NUBP2: variants seen among roughly 807,000 people sequenced by gnomAD.
The protein encoded by NUBP2 is cytosolic Fe-S cluster assembly factor NUBP2.
Under a neutral mutation model 24.9 loss-of-function variants are expected in NUBP2, and 23 were observed. The observed-to-expected ratio is 0.92, with a 90% CI of 0.66 to 1.31. NUBP2 has a LOEUF of 1.31. Among genes scored for constraint, NUBP2 ranks in the 50% most tolerant of loss-of-function variants. The probability of loss-of-function intolerance (pLI) is 0.00; values close to 1 mark genes in which losing one functional copy is unlikely to be tolerated. For synonymous variants in NUBP2, 186 were observed against 170.9 expected, an observed-to-expected ratio of 1.09 and a Z score of -0.69; for missense variants, 403 against 386.5, an observed-to-expected ratio of 1.04 and a Z score of -0.36.
intron 3 of NUBP2, chr16:1,787,455 A>G (rs1897029582): frequency 4.9e-6 from 3 of 614,930 alleles, no homozygotes; most frequent in Admixed American, 6.0e-5. Flanking sequence ...CTCTGTGGGC[A>G]GGGGCCAGAC....
In NUBP2 at chr16:1,787,851, C is replaced by G; in HGVS notation, c.489+20C>G. On this transcript the variant is annotated intron_variant, in intron 4 of 6. Transcript: ENST00000262302. Reference sequence around the variant, plus strand: ...CCCCAGGTAGCGCTGCGGCACCTTCCCGAGTCCCTGTGGGTGGCTTCCCAG... The same window carrying G: ...CCCCAGGTAGCGCTGCGGCACCTTCGCGAGTCCCTGTGGGTGGCTTCCCAG... 1 of 1,605,398 alleles carries G rather than the reference C, an allele frequency of 6.2e-7. No individual in the cohort carries two copies. Among genetic ancestry groups the G allele is most frequent in the African/African-American group, 1.3e-5 (1 of 74,964 alleles).
chr16:1,788,983 G>GC lies in NUBP2; in HGVS notation c.*273dup. 2.2e-6 allele frequency: 1 copy of GC among 455,592 alleles called. No individual in the cohort carries two copies. The highest frequency in any genetic ancestry group is 3.9e-6 in the Non-Finnish European group (1 of 255,834). 28.2% of individuals were successfully genotyped at this position (455,592 alleles called of 1,614,324 possible). On this transcript the variant is annotated 3_prime_UTR_variant, in exon 7 of 7. Transcript: ENST00000262302. ...CTTCCCATCCATGTTGCCTACCTGT[G>GC]CCCCTGGCAGCCGCGTGTCCACACA...
intron 6 of NUBP2, 86 bp downstream of exon 6, chr16:1,788,293 C>A: frequency 7.7e-7 from 1 of 1,297,590 alleles, no homozygotes; most frequent in Non-Finnish European, 1.0e-6. Flanking sequence ...CCCCAGTGCC[C>A]AAGGGAGAGG....
chr16:1,785,818 C>A (rs915960636), intron 1 of NUBP2: 1 of 1,289,116 alleles, frequency 7.8e-7, no homozygotes, highest in Non-Finnish European at 1.0e-6. Context: ...ATGTGTTGAG[C>A]CCCTCACATG....
Position 1,788,847 on chromosome 16 carries a change from C to A in NUBP2, c.*133C>A. 1 of 1,140,636 alleles carries A rather than the reference C, an allele frequency of 8.8e-7. No individual in the cohort carries two copies. Among genetic ancestry groups the A allele is most frequent in the Non-Finnish European group, 1.2e-6 (1 of 836,228 alleles). 70.7% of individuals were successfully genotyped at this position (1,140,636 alleles called of 1,614,324 possible). On this transcript the variant is annotated 3_prime_UTR_variant, in exon 7 of 7. Transcript: ENST00000262302. ...AGGCAGCGTCAGCCGGAGAGCTTCT[C>A]CCCGACCAGCCCAGCCCCAGGATGT...
rs1428083895 is a variant in NUBP2, at chr16:1,786,826, G to A, written c.205G>A (p.Val69Met). 7 of 1,603,120 alleles carry A rather than the reference G, an allele frequency of 4.4e-6. No individual in the cohort carries two copies. Among genetic ancestry groups the A allele is most frequent in the Non-Finnish European group, 6.0e-6 (7 of 1,172,820 alleles). Reference sequence around the variant, plus strand: ...CATGCTCGGGGCGCAGGGCAGGGCTGTGCACCAGTGCGACCGCGGCTGGGC... The same window carrying A: ...CATGCTCGGGGCGCAGGGCAGGGCTATGCACCAGTGCGACCGCGGCTGGGC... ...PRMLGAQGRA[V>M]HQCDRGWAPV... is the part of the protein sequence containing the mutation. Residue 69 changes from valine to methionine, a missense_variant, in exon 3 of 7, where the codon GTG becomes ATG. Val to Met is a conservative substitution (Grantham distance 21). Coordinates refer to ENST00000262302, the MANE Select transcript of NUBP2 (RefSeq NM_012225.4).
At chr16:1,785,392 A>G (rs2575352) in intron 1 of NUBP2, 968,528 of 1,168,000 alleles carry the variant, frequency 0.83, 402,505 homozygotes, top group African/African-American at 0.93. Flanking sequence ...GACAGGCACC[A>G]TTCCCCCACC....
chr16:1,787,452 G>C (rs1897029514), intron 3 of NUBP2: 1 of 613,508 alleles, frequency 1.6e-6, no homozygotes, highest in Admixed American at 3.0e-5. Flanking sequence ...GGGCTCTGTG[G>C]GCAGGGGCCA....
At position 1,782,970 on chromosome 16, in the gene NUBP2, C is replaced by T; in HGVS notation, c.-51C>T. ...CCCTTCGCTCTAGCTGGGAGGCTGA[C>T]GGCCCGCGGGCGTAAGCGGACTGCA... is the stretch of plus-strand genomic sequence containing the variant. On this transcript the variant is annotated 5_prime_UTR_variant, in exon 1 of 7. The change creates a new upstream start codon in the 5' untranslated region. Coordinates refer to ENST00000262302, the MANE Select transcript of NUBP2 (RefSeq NM_012225.4). 6 of 1,411,090 alleles carry T rather than the reference C, an allele frequency of 4.3e-6. No individual in the cohort carries two copies. The highest frequency in any genetic ancestry group is 1.4e-5 in the South Asian group (1 of 70,380). The allele number at this position is 1,411,090 out of a possible 1,614,324, so 87.4% of individuals were successfully genotyped here.
In NUBP2 at chr16:1,788,200, C is replaced by G. The variant is rs142216546; in HGVS notation, c.663C>G (p.Pro221=). Residue 221 remains proline, a synonymous_variant, in exon 6 of 7, where the codon CCC becomes CCG. Coordinates refer to ENST00000262302, the MANE Select transcript of NUBP2 (RefSeq NM_012225.4). The part of the protein sequence containing the change: ...GEELAQLAGV[P]FLGSVPLDPA... ...AGCTGGCCCAGCTCGCCGGGGTGCC[C>G]TTCTTAGGTGAGTGTCCCAAGCTGG... The G allele has an allele frequency of 7.8e-5, 117 of 1,492,930 alleles. No homozygotes were observed. The African/African-American group carries it at 1.5e-3, about 20-fold the overall frequency. The allele number at this position is 1,492,930 out of a possible 1,614,324, so 92.5% of individuals were successfully genotyped here. A position where few individuals can be genotyped will look rare whatever the true frequency, so the allele number is the denominator to read the frequency against.
In NUBP2 at chr16:1,787,727, C is replaced by T; in HGVS notation, c.385C>T (p.Leu129=). 1 of 1,612,704 alleles carries T rather than the reference C, an allele frequency of 6.2e-7. No homozygotes were observed. The highest frequency in any genetic ancestry group is 8.5e-7 in the Non-Finnish European group (1 of 1,179,928). ...SDVAWGELDY[L]VVDTPPGTSD... ...CGTGGCCTGGGGGGAGCTGGACTAC[C>T]TGGTGGTGGACACGCCCCCGGGGAC... Residue 129 remains leucine (L), a synonymous_variant, in exon 4 of 7, where the codon CTG becomes TTG. Transcript: ENST00000262302.
intron 1 of NUBP2, 98 bp downstream of exon 1, chr16:1,783,134 G>T: frequency 8.3e-7 from 1 of 1,206,810 alleles, no homozygotes; most frequent in Non-Finnish European, 1.0e-6. Flanking sequence ...CGCGCCTCCG[G>T]TGCGACCATC....
chr16:1,786,215 T>A, intron 1 of NUBP2: 1 of 388,106 alleles, frequency 2.6e-6, no homozygotes, highest in South Asian at 2.6e-5. Context: ...GACCCACGTG[T>A]GTGTTTGCAC....
At position 1,788,196 on chromosome 16, in the gene NUBP2, T is replaced by A; in HGVS notation, c.659T>A (p.Val220Glu). The A allele has an allele frequency of 2.0e-6, 3 of 1,498,882 alleles. No homozygotes were observed. Among genetic ancestry groups the A allele is most frequent in the Non-Finnish European group, 2.7e-6 (3 of 1,127,016 alleles). 92.8% of individuals were successfully genotyped at this position (1,498,882 alleles called of 1,614,324 possible). A position where few individuals can be genotyped will look rare whatever the true frequency, so the allele number is the denominator to read the frequency against. ...GAGGAGCTGGCCCAGCTCGCCGGGG[T>A]GCCCTTCTTAGGTGAGTGTCCCAAG... is the stretch of plus-strand genomic sequence containing the variant. Reference protein sequence around the residue: ...GGEELAQLAGVPFLGSVPLDP... With the variant: ...GGEELAQLAGEPFLGSVPLDP... Residue 220 changes from valine to glutamate, a missense_variant, in exon 6 of 7, where the codon GTG becomes GAG. Val to Glu is a moderately radical substitution (Grantham distance 121). Transcript: ENST00000262302.
chr16:1,786,404 G>A (rs1051784085), intron 1 of NUBP2, 133 bp from the exon 2 acceptor site: 4 of 804,342 alleles, frequency 5.0e-6, no homozygotes, highest in South Asian at 1.7e-5. Flanking sequence ...AGTGGGGCAC[G>A]GGCTGCCTCT....
chr16:1,783,263 C>G (rs1481222429), intron 1 of NUBP2: 1 of 1,158,150 alleles, frequency 8.6e-7, no homozygotes, highest in Non-Finnish European at 1.1e-6. Context: ...GGGCCTGAGT[C>G]GTGGAGTTGG....
intron 1 of NUBP2, chr16:1,786,016 G>A (rs140824101): frequency 2.5e-6 from 3 of 1,183,264 alleles, no homozygotes; most frequent in African/African-American, 1.6e-5. Flanking sequence ...GGAAGCAGCC[G>A]GCTCCCCTCA....
chr16:1,787,024 G>A (rs1897007427), intron 3 of NUBP2, 69 bp downstream of exon 3: 11 of 1,382,822 alleles, frequency 8.0e-6, no homozygotes, highest in Non-Finnish European at 1.0e-5. Flanking sequence ...CTCTCCTGTG[G>A]AAATGTTCCT....
At chr16:1,784,246 C>T (rs773128935) in intron 1 of NUBP2, among the ~76,000 whole-genome samples, 22 of 151,964 alleles carry the variant, frequency 1.4e-4, no homozygotes, top group Non-Finnish European at 1.5e-5. Context: ...TGCACCACCC[C>T]GCTTGGCTAC....
Sources: gnomAD v4.1 joint callset for allele counts (sites outside exome capture counted in the v4.1 genomes callset) on GRCh38, gnomAD v4.1.1 for gene constraint, MANE v1.5 for transcripts, NCBI Gene and HGNC (gene_info 2026-07-23, HGNC 2026-07-21) for gene names.